WSB2: variants seen among roughly 807,000 people sequenced by gnomAD.
WSB2 encodes the protein WD repeat and SOCS box containing 2, also known as WD repeat and SOCS box-containing protein 2.
Under a neutral mutation model 48.8 loss-of-function variants are expected in WSB2, and 12 were observed. That is an observed-to-expected ratio of 0.25 (90% CI 0.16 to 0.40). The LOEUF (loss-of-function observed/expected upper bound fraction) is 0.40, where lower values mean the gene tolerates loss of function less well. Ranked by LOEUF, WSB2 falls within the 10% of genes least tolerant of loss-of-function variation. The pLI, the probability that WSB2 is intolerant of heterozygous loss-of-function variation, is 1.00. For synonymous variants in WSB2, 191 were observed against 203.1 expected (o/e 0.94, Z 0.51); for missense variants, 317 against 506.2 (o/e 0.63, Z 3.59).
At chr12:118,054,690 T>A (rs796784032) in intron 1 of WSB2, among the ~76,000 whole-genome samples, 169 of 106,210 alleles carry the variant, frequency 1.6e-3, no homozygotes, top group Middle Eastern at 5.5e-3. Context: ...AAAATAATAA[T>A]AATAATAATA....
At chr12:118,051,139 C>T (rs1306730526) in intron 2 of WSB2, among the ~76,000 whole-genome samples, 1 of 151,936 alleles carries the variant, frequency 6.6e-6, no homozygotes, top group Non-Finnish European at 1.5e-5. Context: ...CTATGAAATG[C>T]CACTTCATAC....
intron 1 of WSB2, among the ~76,000 whole-genome samples, chr12:118,055,568 T>C (rs1160728018): frequency 1.3e-5 from 2 of 150,978 alleles, no homozygotes; most frequent in East Asian, 2.0e-4. Flanking sequence ...TTTTCCATCC[T>C]GATAACATTC....
intron 1 of WSB2, among the ~76,000 whole-genome samples, chr12:118,053,208 C>G (rs1227713518): frequency 1.3e-5 from 2 of 152,144 alleles, no homozygotes; most frequent in Non-Finnish European, 2.9e-5. Flanking sequence ...CCAGGACTTT[C>G]ACCACATGCC....
chr12:118,057,222 TG>T (rs2031973293), intron 1 of WSB2, among the ~76,000 whole-genome samples: 2 of 151,962 alleles, frequency 1.3e-5, no homozygotes, highest in Non-Finnish European at 2.9e-5. Flanking sequence ...TCAACTGGTA[TG>T]GTACTTGTAG....
Position 118,042,677 on chromosome 12 carries a change from C to A in WSB2, c.559+164G>T. On this transcript the variant is annotated intron_variant, in intron 4 of 8. Transcript: ENST00000315436. The stretch of plus-strand genomic sequence containing the variant: ...ATTTGGTATAGTATTATCTTTGGGG[C>A]GGGCAGGGGCGATTAGGAAAAAACT... 4.9e-6 allele frequency: 5 copies of A among 1,010,156 alleles called. No individual in the cohort carries two copies. In the South Asian group the frequency reaches 8.2e-5, roughly 17 times the overall value. The allele number at this position is 1,010,156 out of a possible 1,614,324, so 62.6% of individuals were successfully genotyped here.
chr12:118,047,978 G>A (rs2137785665), intron 2 of WSB2, among the ~76,000 whole-genome samples: 1 of 152,150 alleles, frequency 6.6e-6, no homozygotes, highest in East Asian at 1.9e-4. Flanking sequence ...CCAGGCTGGA[G>A]TGGCCTGGTA....
chr12:118,046,539 T>C (rs1593468826), intron 2 of WSB2, among the ~76,000 whole-genome samples: 1 of 151,904 alleles, frequency 6.6e-6, no homozygotes, highest in East Asian at 1.9e-4. Flanking sequence ...GGCTAAAACT[T>C]GTTATTCTGG....
chr12:118,054,328 T>G (rs1593473413), intron 1 of WSB2, among the ~76,000 whole-genome samples: 2 of 146,180 alleles, frequency 1.4e-5, no homozygotes, highest in African/African-American at 2.6e-5. Flanking sequence ...GAGGCGGAGG[T>G]TACAGTGAGC....
In WSB2 at chr12:118,038,280, A is replaced by C. The variant is rs563915792; in HGVS notation, c.660+8T>G. The C allele has an allele frequency of 6.2e-7, 1 of 1,612,106 alleles. No individual in the cohort carries two copies. The highest frequency in any genetic ancestry group is 1.7e-5 in the Admixed American group (1 of 59,582). On this transcript the variant is annotated splice_region_variant and intron_variant, in intron 5 of 8. Transcript: ENST00000315436. The stretch of plus-strand genomic sequence containing the variant: ...CAGTGAATTAAAGCAATAACGCTGG[A>C]GACTCACCGACTTCTCTCCAGCTGC...
At chr12:118,055,885 G>A (rs145374747) in intron 1 of WSB2, among the ~76,000 whole-genome samples, 19,308 of 150,896 alleles carry the variant, frequency 0.13, 1,509 homozygotes, top group Non-Finnish European at 0.17. Flanking sequence ...AAAGTGCTGG[G>A]ATTACAGGTG....
In WSB2 at chr12:118,060,942, C is replaced by CCCCCCCCCCCCCCCCCGGGG; in HGVS notation, c.13+93_13+94insCCCCGGGGGGGGGGGGGGGG. On this transcript the variant is annotated intron_variant, in intron 1 of 8. Transcript: ENST00000315436. This position sits in a 1 kb window ranked among gnomAD's most constrained non-coding sequence, Gnocchi z 4.1. The stretch of plus-strand genomic sequence containing the variant: ...CGCCGCGTCCAGCCCCCGCCCCACC[C>CCCCCCCCCCCCCCCCCGGGG]CGCCCAGCCCGCCCCGGGGTCGCCT... 1 of 568,336 alleles carries CCCCCCCCCCCCCCCCCGGGG rather than the reference C, an allele frequency of 1.8e-6. No individual in the cohort carries two copies. Among genetic ancestry groups the CCCCCCCCCCCCCCCCCGGGG allele is most frequent in the Non-Finnish European group, 2.2e-6 (1 of 448,334 alleles). 35.2% of individuals were successfully genotyped at this position (568,336 alleles called of 1,614,324 possible).
intron 8 of WSB2, chr12:118,034,571 A>AGC (rs1555267381): frequency 8.8e-6 from 4 of 456,956 alleles, no homozygotes; most frequent in Admixed American, 8.7e-5. Flanking sequence ...GTGATACCAA[A>AGC]GCGCTCTCTC....
At chr12:118,039,493 G>T (rs1221059956) in intron 4 of WSB2, among the ~76,000 whole-genome samples, 2 of 152,094 alleles carry the variant, frequency 1.3e-5, no homozygotes, top group Non-Finnish European at 2.9e-5. Flanking sequence ...GAATGCAAAC[G>T]TGTGTGCACA....
At position 118,043,122 on chromosome 12, in the gene WSB2, GAA is replaced by G; in HGVS notation, c.427+9_427+10del. On this transcript the variant is annotated intron_variant, in intron 3 of 8. Coordinates refer to ENST00000315436, the MANE Select transcript of WSB2 (RefSeq NM_018639.5). ...CCTCCCAGAACCTTGTGCCAGCCAG[GAA>G]TGACCTACCTGTCTGCACCTCCCAG... is the stretch of plus-strand genomic sequence containing the variant. 6.2e-7 allele frequency: 1 copy of G among 1,614,152 alleles called. No homozygotes were observed. The highest frequency in any genetic ancestry group is 1.1e-5 in the South Asian group (1 of 91,074).
At chr12:118,053,232 C>T (rs538845478) in intron 1 of WSB2, among the ~76,000 whole-genome samples, 31 of 152,246 alleles carry the variant, frequency 2.0e-4, no homozygotes, top group African/African-American at 7.0e-4. Flanking sequence ...TGCCCCAGCC[C>T]ATCGGTCCAA....
intron 5 of WSB2, chr12:118,038,007 C>A: frequency 3.4e-6 from 1 of 290,002 alleles, no homozygotes; most frequent in Admixed American, 4.8e-5. Flanking sequence ...AAATCTTAGA[C>A]TCCAAGAAGA....
At chr12:118,061,449 G>T (rs540621991), upstream of WSB2, among the ~76,000 whole-genome samples, 1 of 151,152 alleles carries the variant, frequency 6.6e-6, no homozygotes, top group South Asian at 2.1e-4. Context: ...AAACCCAGGG[G>T]TTGTGCGGGG....
Position 118,043,127 on chromosome 12 carries a change from A to AC in WSB2, c.427+5dup. ...CAGAACCTTGTGCCAGCCAGGAATG[A>AC]CCTACCTGTCTGCACCTCCCAGATC... is the stretch of plus-strand genomic sequence containing the variant. On this transcript the variant is annotated splice_donor_region_variant and intron_variant, in intron 3 of 8. Transcript: ENST00000315436. 1 of 1,614,076 alleles carries AC rather than the reference A, an allele frequency of 6.2e-7. No individual in the cohort carries two copies. The highest frequency in any genetic ancestry group is 8.5e-7 in the Non-Finnish European group (1 of 1,179,984).
intron 5 of WSB2, among the ~76,000 whole-genome samples, chr12:118,037,656 G>A (rs1375537748): frequency 2.1e-5 from 3 of 142,472 alleles, no homozygotes; most frequent in African/African-American, 5.2e-5. Context: ...CAACAACAGC[G>A]AAACTCTGTC....
Sources: gnomAD v4.1 joint callset for allele counts (sites outside exome capture counted in the v4.1 genomes callset) on GRCh38, gnomAD v4.1.1 for gene constraint, Gnocchi (gnomAD v3.1) non-coding constraint, MANE v1.5 for transcripts, NCBI Gene and HGNC (gene_info 2026-07-23, HGNC 2026-07-21) for gene names.